The following LVRN variants were observed in gnomAD, a reference collection of about 807,000 sequenced individuals.
LVRN encodes the protein aminopeptidase Q.
Under a neutral mutation model 111.4 loss-of-function variants are expected in LVRN, and 99 were observed. The ratio of observed to expected loss-of-function variants is 0.89; its 90% CI spans 0.76 to 1.05. The LOEUF (loss-of-function observed/expected upper bound fraction) is 1.05, where lower values mean the gene tolerates loss of function less well. Among genes scored for constraint, LVRN ranks in the 50% least tolerant of loss-of-function variants. LVRN has a pLI of 0.00. For synonymous variants in LVRN, 488 were observed against 449.5 expected (o/e 1.09, Z -1.08); for missense variants, 1,414 against 1,206.8 (o/e 1.17, Z -2.54).
intron 17 of LVRN, 75 bp from the exon 18 acceptor site, chr5:116,015,553 T>C (rs1748586190): frequency 6.6e-7 from 1 of 1,519,914 alleles, no homozygotes; most frequent in Non-Finnish European, 8.8e-7. Context: ...ACCATGGGAT[T>C]TTGATTTTGT....
intron 1 of LVRN, among the ~76,000 whole-genome samples, chr5:115,971,623 C>CAT (rs1184272379): frequency 1.3e-5 from 2 of 152,092 alleles, no homozygotes; most frequent in East Asian, 3.9e-4. Context: ...ATCAGTTTTT[C>CAT]ATATATATAT....
chr5:115,976,487 G>C (rs1191876798), intron 1 of LVRN, among the ~76,000 whole-genome samples: 1 of 151,702 alleles, frequency 6.6e-6, no homozygotes, highest in Non-Finnish European at 1.5e-5. Flanking sequence ...CTTACTTTGG[G>C]CTTTATTTTT....
rs1478727540 is a variant in LVRN, at chr5:116,003,265, C to G, written c.1922C>G (p.Ser641Ter). The G allele has an allele frequency of 6.3e-7, 1 of 1,578,338 alleles. No individual in the cohort carries two copies. The highest frequency in any genetic ancestry group is 1.4e-5 in the African/African-American group (1 of 72,914). The change falls in exon 12 of 20, where the codon TCA (serine) becomes TGA (stop). Residue 641 changes from serine to a stop codon, truncating the protein, a stop_gained. Coordinates refer to ENST00000357872, the MANE Select transcript of LVRN (RefSeq NM_173800.5). LOFTEE classifies it high-confidence loss of function. ...GAAGTATTCCCAGAAATGCAAGTTT[C>G]AGATTCTGACCATGACTGGGTGATT... is the stretch of plus-strand genomic sequence containing the variant. Reference protein sequence around the residue: ...SSKVFPEMQVSDSDHDWVILN... With the variant: ...SSKVFPEMQV
chr5:116,021,880 G>A (rs962995990), intron 18 of LVRN: 1 of 327,518 alleles, frequency 3.1e-6, no homozygotes, highest in Non-Finnish European at 5.9e-6. Context: ...ACAAGCACAG[G>A]GAGAGCCATG....
chr5:116,002,114 T>G (rs752334282), intron 10 of LVRN, among the ~76,000 whole-genome samples: 28 of 152,336 alleles, frequency 1.8e-4, no homozygotes, highest in Middle Eastern at 3.4e-3. Flanking sequence ...ACGCTCAAAG[T>G]TTCCTTCTCC....
At chr5:116,011,804 T>C (rs4921052) in intron 14 of LVRN, among the ~76,000 whole-genome samples, 79,617 of 151,968 alleles carry the variant, frequency 0.52, 21,522 homozygotes, top group East Asian at 0.73. Flanking sequence ...TTTCAAAGAA[T>C]TTCAATGAAC....
chr5:115,997,110 A>C (rs1748130044), intron 6 of LVRN, among the ~76,000 whole-genome samples: 1 of 152,184 alleles, frequency 6.6e-6, no homozygotes, highest in African/African-American at 2.4e-5. Context: ...CCTATTTGCT[A>C]TCCGTTGTGC....
At position 116,026,229 on chromosome 5, in the gene LVRN, A is replaced by C. The variant is rs1748864728; in HGVS notation, c.*111A>C. 2.1e-6 allele frequency: 3 copies of C among 1,461,432 alleles called. No individual in the cohort carries two copies. Among genetic ancestry groups the C allele is most frequent in the East Asian group, 4.8e-5 (2 of 41,248 alleles). The allele number at this position is 1,461,432 out of a possible 1,614,324, so 90.5% of individuals were successfully genotyped here. A position where few individuals can be genotyped will look rare whatever the true frequency, so the allele number is the denominator to read the frequency against. On this transcript the variant is annotated 3_prime_UTR_variant, in exon 20 of 20. Coordinates refer to ENST00000357872, the MANE Select transcript of LVRN (RefSeq NM_173800.5). ...AAACCACACATTTTATTTGTATTTC[A>C]GTCACATTTATTACTCAGAGTGCCA...
chr5:116,001,236 G>A lies in LVRN; in HGVS notation c.1817G>A (p.Ser606Asn). 6.2e-7 allele frequency: 1 copy of A among 1,612,518 alleles called. No homozygotes were observed. The highest frequency in any genetic ancestry group is 1.1e-5 in the South Asian group (1 of 90,652). The stretch of plus-strand genomic sequence containing the variant: ...ATTAAAAATCGGACTCTTCTAACCA[G>A]CAAGTAGGTAGCTTTGCTCCTCTTT... ...ENIKNRTLLTSNDTWIVPILW... is the reference protein window; with the variant it reads ...ENIKNRTLLTNNDTWIVPILW... Residue 606 changes from serine (S) to asparagine (N), a missense_variant, in exon 10 of 20, where the codon AGC becomes AAC. Transcript: ENST00000357872.
rs772034442 is a variant in LVRN at position 116,015,684 on chromosome 5, T to G, written c.2675T>G (p.Ile892Ser). Residue 892 changes from isoleucine (I) to serine (S), a missense_variant, in exon 18 of 20, where the codon ATT (isoleucine) becomes AGT (serine). Ile to Ser is a moderately radical substitution (Grantham distance 142). Coordinates refer to ENST00000357872, the MANE Select transcript of LVRN (RefSeq NM_173800.5). ...SPFTSNETNIIEVVASSEVGR... is the reference protein window; with the variant it reads ...SPFTSNETNISEVVASSEVGR... ...TTCACTTCTAATGAAACAAATATAA[T>G]TGAGGTTGTGGCTTCATCTGAAGTT... 1.2e-6 allele frequency: 2 copies of G among 1,613,316 alleles called. No homozygotes were observed. Among genetic ancestry groups the G allele is most frequent in the East Asian group, 2.2e-5 (1 of 44,868 alleles).
At chr5:116,021,134 T>A (rs73783063) in intron 18 of LVRN, 2 of 152,142 alleles carry the variant, frequency 1.3e-5, no homozygotes, top group Admixed American at 1.3e-4. Context: ...CATTTTCTCA[T>A]TTATGCACCA....
Position 116,011,162 on chromosome 5 carries a change from A to G in LVRN, c.2247+268A>G, listed in dbSNP as rs558462906. Among the ~76,000 whole-genome samples, 350 of 150,946 alleles carry G rather than the reference A, an allele frequency of 2.3e-3. 1 individual carries two copies. The highest frequency in any genetic ancestry group is 2.4e-3 in the Non-Finnish European group (161 of 67,778). On this transcript the variant is annotated intron_variant, in intron 14 of 19. Transcript: ENST00000357872. Reference sequence around the variant, plus strand: ...GTGAAGTGACAGTATGTCCTAAGAAACCAGAAGTGGATGGAAATGGTATGC... The same window carrying G: ...GTGAAGTGACAGTATGTCCTAAGAAGCCAGAAGTGGATGGAAATGGTATGC...
rs760925686 is a variant in LVRN, at chr5:115,962,938, C to G, written c.321C>G (p.Tyr107Ter). The G allele has an allele frequency of 1.7e-5, 27 of 1,612,914 alleles. No homozygotes were observed. The highest frequency in any genetic ancestry group is 1.9e-5 in the Non-Finnish European group (23 of 1,179,792). Reference protein sequence around the residue: ...RLPPWLVPLHYDLELWPQLRP... With the variant: ...RLPPWLVPLH ...CGCCCTGGCTCGTGCCGCTGCACTA[C>G]GATCTGGAGCTGTGGCCGCAGCTGA... is the stretch of plus-strand genomic sequence containing the variant. Residue 107 changes from tyrosine (Y) to a stop codon, truncating the protein, a stop_gained, in exon 1 of 20, where the codon TAC becomes TAG. Coordinates refer to ENST00000357872, the MANE Select transcript of LVRN (RefSeq NM_173800.5). LOFTEE classifies it high-confidence loss of function.
At chr5:115,988,595 T>G (rs4921041) in intron 4 of LVRN, among the ~76,000 whole-genome samples, 43,397 of 152,050 alleles carry the variant, frequency 0.29, 7,243 homozygotes, top group East Asian at 0.68. Context: ...TCTGACATGT[T>G]AGTTGAAGAC....
At chr5:115,964,700 A>C in intron 1 of LVRN, among the ~76,000 whole-genome samples, 1 of 152,058 alleles carries the variant, frequency 6.6e-6, no homozygotes. Context: ...AAGCTTGCAA[A>C]TGTGGGAAAG....
chr5:115,962,982 C>T lies in LVRN; in HGVS notation c.365C>T (p.Ala122Val), dbSNP rs1258492088. 6.2e-7 allele frequency: 1 copy of T among 1,613,380 alleles called. No individual in the cohort carries two copies. The highest frequency in any genetic ancestry group is 1.3e-5 in the African/African-American group (1 of 74,918). Reference protein sequence around the residue: ...WPQLRPDELPAGSLPFTGRVN... With the variant: ...WPQLRPDELPVGSLPFTGRVN... The stretch of plus-strand genomic sequence containing the variant: ...CAGCTGAGGCCCGACGAGCTTCCGG[C>T]CGGGTCTTTGCCCTTCACTGGCCGC... Residue 122 changes from alanine (A) to valine (V), a missense_variant, in exon 1 of 20, where the codon GCC (alanine) becomes GTC (valine). By Grantham distance (64) the Ala-to-Val change is moderately conservative (BLOSUM62 0). Transcript: ENST00000357872.
At chr5:115,988,931 G>A (rs1747925648) in intron 4 of LVRN, among the ~76,000 whole-genome samples, 2 of 152,244 alleles carry the variant, frequency 1.3e-5, no homozygotes, top group Non-Finnish European at 1.5e-5. Flanking sequence ...TAGATGAGAA[G>A]TCCAGAGTCA....
intron 4 of LVRN, among the ~76,000 whole-genome samples, chr5:115,988,336 T>G (rs1245548754): frequency 1.3e-5 from 2 of 151,648 alleles, no homozygotes; most frequent in Non-Finnish European, 2.9e-5. Context: ...TAGTAAGTTT[T>G]TTTTTTTTTT....
chr5:115,976,070 T>A (rs2112561507), intron 1 of LVRN: 1 of 153,058 alleles, frequency 6.5e-6, no homozygotes, highest in East Asian at 1.9e-4. Flanking sequence ...AACTAAGTCG[T>A]TCTTCAATCC....
Sources: gnomAD v4.1 joint callset for allele counts (sites outside exome capture counted in the v4.1 genomes callset) on GRCh38, gnomAD v4.1.1 for gene constraint, MANE v1.5 for transcripts, NCBI Gene and HGNC (gene_info 2026-07-23, HGNC 2026-07-21) for gene names.